Variants in PHF20 observed in about 807,000 individuals in gnomAD.
PHF20 encodes PHD finger protein 20.
Under a neutral mutation model 113.5 loss-of-function variants are expected in PHF20, and 23 were observed. The observed-to-expected ratio is 0.20, with a 90% CI of 0.15 to 0.29. PHF20 has a LOEUF of 0.29. PHF20 is among the 10% of genes least tolerant of loss of function. The pLI, the probability that PHF20 is intolerant of heterozygous loss-of-function variation, is 1.00. For missense variants in PHF20, 943 were observed against 1,219.6 expected (o/e 0.77, Z 3.38); for synonymous variants, 434 against 457.3 (o/e 0.95, Z 0.65).
chr20:35,927,061 C>T (rs1267337081), intron 13 of PHF20, among the ~76,000 whole-genome samples: 1 of 152,166 alleles, frequency 6.6e-6, no homozygotes, highest in Non-Finnish European at 1.5e-5. Context: ...CAACTCCCTC[C>T]TTTCCCTCTC....
chr20:35,779,357 G>A (rs1429087545), intron 1 of PHF20, among the ~76,000 whole-genome samples: 1 of 151,914 alleles, frequency 6.6e-6, no homozygotes, highest in Non-Finnish European at 1.5e-5. Context: ...TTTATTCAGT[G>A]ATAGTTTATT....
intron 9 of PHF20, chr20:35,878,832 A>G: frequency 1.5e-5 from 8 of 521,074 alleles, no homozygotes; most frequent in South Asian, 6.5e-5. Context: ...ACTAATTTGT[A>G]TGGGTTTAGA....
At chr20:35,910,752 C>A (rs1211790756) in intron 10 of PHF20, among the ~76,000 whole-genome samples, 3 of 152,002 alleles carry the variant, frequency 2.0e-5, no homozygotes, top group African/African-American at 7.3e-5. Context: ...CCTCAGCCTC[C>A]CAAGTAGCTG....
intron 2 of PHF20, among the ~76,000 whole-genome samples, chr20:35,838,688 T>C (rs1320358725): frequency 6.6e-6 from 1 of 152,076 alleles, no homozygotes; most frequent in African/African-American, 2.4e-5. Flanking sequence ...TACTAAAAGT[T>C]AGAAAGAATG....
rs542395854 is a variant in PHF20, at chr20:35,842,533, G to C, written c.84-40G>C. The C allele has an allele frequency of 7.8e-6, 12 of 1,533,302 alleles. No homozygotes were observed. The East Asian group carries it at 2.5e-4, about 32-fold the overall frequency. The allele number at this position is 1,533,302 out of a possible 1,614,324, so 95.0% of individuals were successfully genotyped here. ...TTATGGATATTTGGATATTTGGGGTGGGTATTAAAGGAATGCCAATTTTTT... is the reference window on the plus strand; with the variant it reads ...TTATGGATATTTGGATATTTGGGGTCGGTATTAAAGGAATGCCAATTTTTT... On this transcript the variant is annotated intron_variant, in intron 2 of 17. Coordinates refer to ENST00000374012, the MANE Select transcript of PHF20 (RefSeq NM_016436.5).
chr20:35,904,767 C>CTCCTCCTTCCCTCCTTCCT (rs371026258), intron 10 of PHF20, among the ~76,000 whole-genome samples: 1 of 125,614 alleles, frequency 8.0e-6, no homozygotes, highest in African/African-American at 3.4e-5. Flanking sequence ...GATTTCTTTT[C>CTCCTCCTTCCCTCCTTCCT]TCCTTCCTTC....
At chr20:35,930,409 A>G (rs1001974903) in intron 14 of PHF20, among the ~76,000 whole-genome samples, 1 of 152,192 alleles carries the variant, frequency 6.6e-6, no homozygotes, top group African/African-American at 2.4e-5. Flanking sequence ...GGGAAAATTG[A>G]TAAGACGACT....
intron 2 of PHF20, among the ~76,000 whole-genome samples, chr20:35,835,291 T>C (rs2042421413): frequency 6.6e-6 from 1 of 150,786 alleles, no homozygotes; most frequent in Admixed American, 6.6e-5. Context: ...AAAGAAGAGG[T>C]AGGAAACTTG....
chr20:35,881,032 C>G (rs533727466), intron 9 of PHF20, among the ~76,000 whole-genome samples: 1 of 144,638 alleles, frequency 6.9e-6, no homozygotes, highest in East Asian at 2.0e-4. Context: ...AGTTCCAGAC[C>G]TTTATCTCTA....
At chr20:35,845,835 T>G (rs1274699155) in intron 3 of PHF20, among the ~76,000 whole-genome samples, 1 of 150,592 alleles carries the variant, frequency 6.6e-6, no homozygotes, top group Admixed American at 6.7e-5. Flanking sequence ...TGGAGTGCAG[T>G]GGCATGATCT....
intron 2 of PHF20, among the ~76,000 whole-genome samples, chr20:35,802,475 G>A (rs1468516429): frequency 6.6e-6 from 1 of 151,932 alleles, no homozygotes; most frequent in African/African-American, 2.4e-5. Flanking sequence ...TATTGCAGAT[G>A]TGTGCCACCA....
In PHF20 at chr20:35,891,323, G is replaced by C. The variant is rs560657399; in HGVS notation, c.1283-8047G>C. ...ACCCAGGAGGCGGAGGTTGCAGTGAGCTGAGATCATGCCACTGCACTCCAG... is the reference window on the plus strand; with the variant it reads ...ACCCAGGAGGCGGAGGTTGCAGTGACCTGAGATCATGCCACTGCACTCCAG... On this transcript the variant is annotated intron_variant, in intron 9 of 17. Transcript: ENST00000374012. 2.6e-4 allele frequency among the ~76,000 whole-genome samples: 39 copies of C among 150,566 alleles called. 1 individual carries two copies. The highest frequency in any genetic ancestry group is 7.4e-5 in the Non-Finnish European group (5 of 67,902).
chr20:35,819,587 G>A (rs1462799436), intron 2 of PHF20, among the ~76,000 whole-genome samples: 4 of 151,890 alleles, frequency 2.6e-5, no homozygotes, highest in Admixed American at 1.3e-4. Context: ...TTTTTCATTA[G>A]GGTTATTTGT....
intron 1 of PHF20, among the ~76,000 whole-genome samples, chr20:35,786,988 GTTTT>G (rs954417364): frequency 7.8e-6 from 1 of 128,612 alleles, no homozygotes; most frequent in Admixed American, 8.0e-5. Flanking sequence ...TCTCTTTCCT[GTTTT>G]TTTTTTTTTT....
intron 13 of PHF20, among the ~76,000 whole-genome samples, chr20:35,926,405 T>A (rs2055635852): frequency 6.6e-6 from 1 of 150,954 alleles, no homozygotes; most frequent in African/African-American, 2.4e-5. Flanking sequence ...GCCCGGCTAA[T>A]TTTTTTTGTA....
intron 1 of PHF20, 42 bp from the exon 2 acceptor site, chr20:35,801,449 G>A: frequency 2.0e-6 from 2 of 1,002,726 alleles, no homozygotes; most frequent in Non-Finnish European, 3.1e-6. Context: ...ACTCTGGGTG[G>A]ACTTTGCCTA....
chr20:35,824,259 C>CT (rs1038662633), intron 2 of PHF20, among the ~76,000 whole-genome samples: 4 of 150,766 alleles, frequency 2.7e-5, no homozygotes, highest in Admixed American at 6.6e-5. Flanking sequence ...TTTTTCTCTC[C>CT]TTTTTTTTTA....
chr20:35,922,294 A>C (rs1273172972), intron 13 of PHF20, among the ~76,000 whole-genome samples: 1 of 152,206 alleles, frequency 6.6e-6, no homozygotes, highest in Non-Finnish European at 1.5e-5. Context: ...TTTTCTACTC[A>C]ATAACTTTAT....
intron 9 of PHF20, among the ~76,000 whole-genome samples, chr20:35,896,113 G>A (rs929603027): frequency 2.7e-5 from 4 of 150,572 alleles, no homozygotes; most frequent in Admixed American, 6.7e-5. Context: ...GTGTGTGTGT[G>A]TATAGGTTTT....
Sources: gnomAD v4.1 joint callset for allele counts (sites outside exome capture counted in the v4.1 genomes callset) on GRCh38, gnomAD v4.1.1 for gene constraint, MANE v1.5 for transcripts, NCBI Gene and HGNC (gene_info 2026-07-23, HGNC 2026-07-21) for gene names.